KATNIP: variants seen among roughly 807,000 people sequenced by gnomAD.
The protein encoded by KATNIP is katanin interacting protein.
In KATNIP, 126 loss-of-function variants were observed where a neutral mutation model predicts 174.0. The observed-to-expected ratio is 0.72, with a 90% confidence interval of 0.63 to 0.84. The LOEUF is 0.84. KATNIP is among the 40% of genes least tolerant of loss of function. The pLI is 0.00. For missense variants in KATNIP, 1,958 were observed against 2,109.7 expected, an observed-to-expected ratio of 0.93 and a Z score of 1.41; for synonymous variants, 810 against 835.7, an observed-to-expected ratio of 0.97 and a Z score of 0.53.
Position 27,777,136 on chromosome 16 carries a change from C to A in KATNIP, c.4551+107C>A. ...TTGATTTACTTCTCTCTGTTGCAAC[C>A]CTCAACACAAATGCCTGGTCGTCAG... is the stretch of plus-strand genomic sequence containing the variant. On this transcript the variant is annotated intron_variant, in intron 25 of 27. Transcript: ENST00000261588. The surrounding 1 kb of genome is among the most constrained non-coding windows in gnomAD (Gnocchi z 4.4). 1 of 760,436 alleles carries A rather than the reference C, an allele frequency of 1.3e-6. No individual in the cohort carries two copies. The highest frequency in any genetic ancestry group is 2.3e-6 in the Non-Finnish European group (1 of 435,870). The allele number at this position is 760,436 out of a possible 1,614,324, so 47.1% of individuals were successfully genotyped here. A position where few individuals can be genotyped will look rare whatever the true frequency, so the allele number is the denominator to read the frequency against.
At chr16:27,562,558 A>C (rs1252072301) in intron 1 of KATNIP, among the ~76,000 whole-genome samples, 2 of 152,174 alleles carry the variant, frequency 1.3e-5, no homozygotes, top group South Asian at 2.1e-4. Context: ...TACTCAGAAG[A>C]CACTTTAATT....
At chr16:27,752,880 G>C (rs1371553224) in intron 17 of KATNIP, among the ~76,000 whole-genome samples, 3 of 152,194 alleles carry the variant, frequency 2.0e-5, no homozygotes, top group Non-Finnish European at 4.4e-5. Context: ...TAAAATGAAA[G>C]ATGACCTTCA....
intron 3 of KATNIP, among the ~76,000 whole-genome samples, chr16:27,620,659 A>G (rs943447294): frequency 6.6e-6 from 1 of 152,162 alleles, no homozygotes; most frequent in African/African-American, 2.4e-5. Flanking sequence ...CAGATAGAAA[A>G]CTAGCCTCTG....
At chr16:27,758,002 G>T (rs756197631) in intron 18 of KATNIP, among the ~76,000 whole-genome samples, 2 of 152,208 alleles carry the variant, frequency 1.3e-5, no homozygotes, top group Non-Finnish European at 2.9e-5. Flanking sequence ...ATTTCCATTT[G>T]TATAAATACT....
chr16:27,715,506 A>G (rs942404335), intron 13 of KATNIP, among the ~76,000 whole-genome samples: 12 of 152,228 alleles, frequency 7.9e-5, no homozygotes, highest in African/African-American at 1.7e-4. Flanking sequence ...TAAAAATACA[A>G]CCTACAAAAG....
At chr16:27,560,908 A>G (rs189741585) in intron 1 of KATNIP, among the ~76,000 whole-genome samples, 1 of 152,310 alleles carries the variant, frequency 6.6e-6, no homozygotes, top group African/African-American at 2.4e-5. Flanking sequence ...TTTGTTCCCT[A>G]GTGAATTGCT....
At chr16:27,654,715 C>T (rs1567258916) in intron 6 of KATNIP, 1 of 1,351,878 alleles carries the variant, frequency 7.4e-7, no homozygotes, top group Non-Finnish European at 9.8e-7. Flanking sequence ...AAAGGATCCT[C>T]TTAACTATTC....
chr16:27,689,597 G>A (rs2078642896), intron 8 of KATNIP, among the ~76,000 whole-genome samples: 1 of 152,134 alleles, frequency 6.6e-6, no homozygotes, highest in Admixed American at 6.5e-5. Flanking sequence ...CAGGGCTGCA[G>A]ACAGCACCTG....
intron 1 of KATNIP, among the ~76,000 whole-genome samples, chr16:27,561,971 T>C (rs1596719421): frequency 6.6e-6 from 1 of 152,296 alleles, no homozygotes; most frequent in East Asian, 1.9e-4. Flanking sequence ...AACACCTAAA[T>C]ACACATTGCA....
chr16:27,759,895 T>C (rs1472686571), intron 18 of KATNIP, among the ~76,000 whole-genome samples: 1 of 152,192 alleles, frequency 6.6e-6, no homozygotes, highest in Non-Finnish European at 1.5e-5. Flanking sequence ...ACGTGAATGA[T>C]GCGGCGAGAA....
intron 6 of KATNIP, among the ~76,000 whole-genome samples, chr16:27,653,620 A>G (rs1372497398): frequency 2.0e-5 from 3 of 150,574 alleles, no homozygotes; most frequent in African/African-American, 4.9e-5. Context: ...TTTCACATAA[A>G]TGGGATTATA....
chr16:27,601,493 G>T (rs1396778260), intron 2 of KATNIP, among the ~76,000 whole-genome samples: 2 of 152,124 alleles, frequency 1.3e-5, no homozygotes, highest in African/African-American at 4.8e-5. Flanking sequence ...CGGGGCAGGG[G>T]GAGTGGGGCG....
Position 27,750,253 on chromosome 16 carries a change from C to A in KATNIP, c.3293C>A (p.Thr1098Asn), listed in dbSNP as rs752323853. The A allele has an allele frequency of 1.2e-6, 2 of 1,613,998 alleles. No individual in the cohort carries two copies. The highest frequency in any genetic ancestry group is 1.7e-6 in the Non-Finnish European group (2 of 1,179,942). Residue 1098 changes from threonine (T) to asparagine (N), a missense_variant, in exon 16 of 28, where the codon ACC becomes AAC. This residue lies in a region of KATNIP where 1,557 missense variants were observed against 1,617.8 expected (regional missense o/e 0.96). Transcript: ENST00000261588. Reference sequence around the variant, plus strand: ...AAGGACATCACAATGCTGTTAGACACCCAGTGCATCTTTGAAGGAGAAATC... The same window carrying A: ...AAGGACATCACAATGCTGTTAGACAACCAGTGCATCTTTGAAGGAGAAATC... ...GVKDITMLLD[T>N]QCIFEGEIAK... is the part of the protein sequence containing the mutation.
intron 7 of KATNIP, among the ~76,000 whole-genome samples, chr16:27,679,333 CCTCTT>C (rs1325062830): frequency 6.6e-6 from 1 of 152,172 alleles, no homozygotes; most frequent in Non-Finnish European, 1.5e-5. Flanking sequence ...GTCCTAATCT[CCTCTT>C]CTTAGGAGAA....
At chr16:27,746,070 T>C (rs1394064082) in intron 15 of KATNIP, among the ~76,000 whole-genome samples, 4 of 149,786 alleles carry the variant, frequency 2.7e-5, no homozygotes, top group Non-Finnish European at 5.9e-5. Context: ...GTTCAAGTGA[T>C]CCACCCACCT....
intron 5 of KATNIP, among the ~76,000 whole-genome samples, chr16:27,633,499 C>T (rs1385765328): frequency 2.7e-5 from 4 of 147,028 alleles, no homozygotes; most frequent in South Asian, 2.1e-4. Context: ...ACTATATTAC[C>T]CAGGCTAGTC....
At chr16:27,733,712 G>A (rs2080788734) in intron 14 of KATNIP, among the ~76,000 whole-genome samples, 1 of 151,974 alleles carries the variant, frequency 6.6e-6, no homozygotes, top group Non-Finnish European at 1.5e-5. Flanking sequence ...GAAAGAGCCT[G>A]GGGTTAAAGC....
intron 6 of KATNIP, among the ~76,000 whole-genome samples, chr16:27,672,266 C>A (rs1480437126): frequency 6.6e-6 from 1 of 152,078 alleles, no homozygotes. Flanking sequence ...CTCTGCTGTT[C>A]CTACCCCCAA....
intron 13 of KATNIP, among the ~76,000 whole-genome samples, chr16:27,710,447 A>G (rs1257359593): frequency 3.3e-5 from 5 of 152,224 alleles, no homozygotes; most frequent in Non-Finnish European, 7.3e-5. Flanking sequence ...CAAGTTGCAC[A>G]CAAGAGACTG....
Sources: gnomAD v4.1 joint callset for allele counts (sites outside exome capture counted in the v4.1 genomes callset) on GRCh38, gnomAD v4.1.1 for gene constraint, gnomAD v4.1.1 regional missense constraint, Gnocchi (gnomAD v3.1) non-coding constraint, MANE v1.5 for transcripts, NCBI Gene and HGNC (gene_info 2026-07-23, HGNC 2026-07-21) for gene names.